Variants in CNTNAP2 observed in about 807,000 individuals in gnomAD.
CNTNAP2 encodes contactin associated protein 2.
CNTNAP2 carries 98 observed loss-of-function variants against 155.2 expected under a neutral mutation model. That is an observed-to-expected ratio of 0.63 (90% confidence interval 0.54 to 0.75). The LOEUF (loss-of-function observed/expected upper bound fraction) is 0.75, where lower values mean the gene tolerates loss of function less well. Among genes scored for constraint, CNTNAP2 ranks in the 30% least tolerant of loss-of-function variants. The pLI is 0.00. For synonymous variants in CNTNAP2, 651 were observed against 631.2 expected (o/e 1.03, Z -0.47); for missense variants, 1,727 against 1,688.1 (o/e 1.02, Z -0.40).
At chr7:147,236,792 A>G (rs886659581) in intron 8 of CNTNAP2, among the ~76,000 whole-genome samples, 12 of 152,014 alleles carry the variant, frequency 7.9e-5, no homozygotes, top group African/African-American at 2.9e-4. Context: ...CCCACATCCA[A>G]TTACTCAATT....
chr7:147,494,016 G>C (rs1798652231), intron 11 of CNTNAP2, among the ~76,000 whole-genome samples: 2 of 152,108 alleles, frequency 1.3e-5, no homozygotes, highest in African/African-American at 4.8e-5. Context: ...GTATTCTCTA[G>C]AGGAAAAGCT....
intron 13 of CNTNAP2, among the ~76,000 whole-genome samples, chr7:147,830,174 A>G (rs1334133333): frequency 6.6e-6 from 1 of 151,932 alleles, no homozygotes; most frequent in Admixed American, 6.6e-5. Context: ...AAAAAAAAAA[A>G]AAAAACATAA....
intron 9 of CNTNAP2, among the ~76,000 whole-genome samples, chr7:147,365,341 C>T (rs1240082102): frequency 7.3e-6 from 1 of 137,320 alleles, no homozygotes; most frequent in African/African-American, 2.7e-5. Context: ...GGCCATTGCA[C>T]TCCAGCCTGG....
At chr7:148,313,473 G>A (rs978629911) in intron 21 of CNTNAP2, among the ~76,000 whole-genome samples, 18 of 152,008 alleles carry the variant, frequency 1.2e-4, no homozygotes, top group East Asian at 1.9e-4. Flanking sequence ...CCTGGGCTGC[G>A]GGCATTCCTT....
chr7:148,045,597 A>T (rs1003045993), intron 15 of CNTNAP2, among the ~76,000 whole-genome samples: 1 of 152,224 alleles, frequency 6.6e-6, no homozygotes, highest in Non-Finnish European at 1.5e-5. Flanking sequence ...TCCAACTTAC[A>T]ATCAAAATGG....
intron 12 of CNTNAP2, among the ~76,000 whole-genome samples, chr7:147,620,539 A>T (rs1801373500): frequency 6.7e-6 from 1 of 150,360 alleles, no homozygotes; most frequent in Non-Finnish European, 1.5e-5. Context: ...TATATTTTTT[A>T]AATTAATTGA....
intron 15 of CNTNAP2, among the ~76,000 whole-genome samples, chr7:148,024,579 C>G (rs1802345095): frequency 6.6e-6 from 1 of 152,252 alleles, no homozygotes; most frequent in Admixed American, 6.5e-5. Context: ...CAGGAAGGAC[C>G]CAACTTTTAC....
intron 3 of CNTNAP2, among the ~76,000 whole-genome samples, chr7:146,970,376 C>T (rs1356816143): frequency 6.6e-6 from 1 of 151,964 alleles, no homozygotes; most frequent in East Asian, 1.9e-4. Context: ...AAAAAACAAA[C>T]AACCCCATCA....
At chr7:148,154,429 G>T (rs2116663274) in intron 17 of CNTNAP2, among the ~76,000 whole-genome samples, 2 of 152,262 alleles carry the variant, frequency 1.3e-5, no homozygotes, top group African/African-American at 2.4e-5. Flanking sequence ...CTAAAATACA[G>T]CTTGTTTGGT....
At chr7:147,214,034 A>T (rs956335983) in intron 8 of CNTNAP2, among the ~76,000 whole-genome samples, 4 of 152,114 alleles carry the variant, frequency 2.6e-5, no homozygotes, top group Non-Finnish European at 5.9e-5. Context: ...CTCACCTGCC[A>T]ATCTCCTCTG....
intron 4 of CNTNAP2, among the ~76,000 whole-genome samples, chr7:147,103,658 AT>A (rs1238529381): frequency 6.6e-6 from 1 of 151,898 alleles, no homozygotes; most frequent in African/African-American, 2.4e-5. Context: ...TAATTAGTTT[AT>A]TTTTTATAAA....
chr7:146,940,243 G>T (rs540679817), intron 3 of CNTNAP2, among the ~76,000 whole-genome samples: 1 of 151,696 alleles, frequency 6.6e-6, no homozygotes, highest in Non-Finnish European at 1.5e-5. Context: ...GTCTTGCTCT[G>T]TCGCCAGGCT....
At chr7:147,876,802 A>T (rs896081224) in intron 13 of CNTNAP2, among the ~76,000 whole-genome samples, 1 of 152,284 alleles carries the variant, frequency 6.6e-6, no homozygotes, top group African/African-American at 2.4e-5. Context: ...TGAGACCACC[A>T]GGAGCACACC....
intron 15 of CNTNAP2, among the ~76,000 whole-genome samples, chr7:147,985,718 A>G (rs981666882): frequency 7.9e-5 from 12 of 152,200 alleles, no homozygotes; most frequent in Non-Finnish European, 1.2e-4. Context: ...ATTCACTTGT[A>G]TATTCTCAGT....
At chr7:147,921,111 CT>C (rs1423794335) in intron 14 of CNTNAP2, among the ~76,000 whole-genome samples, 219 of 150,276 alleles carry the variant, frequency 1.5e-3, no homozygotes, top group African/African-American at 4.3e-3. Flanking sequence ...GCCCTGCCTC[CT>C]TTTTTTTTTT....
chr7:147,473,886 C>A (rs1584755771), intron 10 of CNTNAP2, among the ~76,000 whole-genome samples: 2 of 151,784 alleles, frequency 1.3e-5, no homozygotes, highest in East Asian at 4.0e-4. Flanking sequence ...TTGAGACCAG[C>A]CTGACAAACA....
At chr7:147,154,468 A>G (rs1801885160) in intron 8 of CNTNAP2, among the ~76,000 whole-genome samples, 1 of 152,222 alleles carries the variant, frequency 6.6e-6, no homozygotes, top group Non-Finnish European at 1.5e-5. Flanking sequence ...CTCAAATTTA[A>G]AAACATTTTA....
chr7:147,574,895 T>C (rs1800358171), intron 12 of CNTNAP2, among the ~76,000 whole-genome samples: 1 of 152,142 alleles, frequency 6.6e-6, no homozygotes, highest in Non-Finnish European at 1.5e-5. Flanking sequence ...ATCTACTATC[T>C]GTCAAACAGC....
intron 2 of CNTNAP2, among the ~76,000 whole-genome samples, chr7:146,785,478 A>G (rs1802560223): frequency 6.6e-6 from 1 of 152,218 alleles, no homozygotes; most frequent in South Asian, 2.1e-4. Flanking sequence ...AAGTACATAA[A>G]ATATTATTTA....
Sources: gnomAD v4.1 joint callset for allele counts (sites outside exome capture counted in the v4.1 genomes callset) on GRCh38, gnomAD v4.1.1 for gene constraint, MANE v1.5 for transcripts, NCBI Gene and HGNC (gene_info 2026-07-23, HGNC 2026-07-21) for gene names.